ABL1: variants seen among roughly 807,000 people sequenced by gnomAD.
ABL1 encodes ABL proto-oncogene 1, non-receptor tyrosine kinase, also known as tyrosine-protein kinase ABL1.
ABL1 carries 11 observed loss-of-function variants against 94.7 expected under a neutral mutation model. The observed-to-expected ratio is 0.12, with a 90% CI of 0.07 to 0.19. The LOEUF (loss-of-function observed/expected upper bound fraction) is 0.19, where lower values mean the gene tolerates loss of function less well. Among genes scored for constraint, ABL1 ranks in the 10% least tolerant of loss-of-function variants. The probability of loss-of-function intolerance (pLI) is 1.00; values close to 1 mark genes in which losing one functional copy is unlikely to be tolerated. For missense variants in ABL1, 1,082 were observed against 1,489.4 expected, an observed-to-expected ratio of 0.73 and a Z score of 4.50; for synonymous variants, 656 against 622.4, an observed-to-expected ratio of 1.05 and a Z score of -0.80.
chr9:130,753,943 C>T (rs1167768026), intron 1 of ABL1, among the ~76,000 whole-genome samples: 3 of 151,908 alleles, frequency 2.0e-5, no homozygotes, highest in Non-Finnish European at 2.9e-5. Flanking sequence ...CGGTGGCTCA[C>T]GCCTGTAATC....
chr9:130,847,317 G>A (rs1282724320), intron 1 of ABL1, among the ~76,000 whole-genome samples: 1 of 151,596 alleles, frequency 6.6e-6, no homozygotes, highest in Non-Finnish European at 1.5e-5. Flanking sequence ...TATTTCCCAA[G>A]ACAATAGCCA....
intron 2 of ABL1, 38 bp downstream of exon 2, chr9:130,854,275 G>C: frequency 6.3e-7 from 1 of 1,597,230 alleles, no homozygotes; most frequent in African/African-American, 1.3e-5. Flanking sequence ...GGTTGCAGGA[G>C]ATAGAAATCT....
rs1446234239 is a variant in ABL1 at position 130,758,944 on chromosome 9, A to G, written c.136+44489A>G. Among the ~76,000 whole-genome samples, 4 of 152,146 alleles carry G rather than the reference A, an allele frequency of 2.6e-5. No individual in the cohort carries two copies. The East Asian group carries it at 7.7e-4, about 29-fold the overall frequency. On this transcript the variant is annotated intron_variant, in intron 1 of 10. Transcript: ENST00000372348. Reference sequence around the variant, plus strand: ...GGATCACACAGGCAGCAGACCACCAAGCTGTGACCATGACCTTTTTTTGGT... The same window carrying G: ...GGATCACACAGGCAGCAGACCACCAGGCTGTGACCATGACCTTTTTTTGGT...
At chr9:130,831,737 T>C (rs1463173405), upstream of ABL1, among the ~76,000 whole-genome samples, 1 of 151,856 alleles carries the variant, frequency 6.6e-6, no homozygotes, top group Admixed American at 6.6e-5. Context: ...GCCTCTCGAG[T>C]AGCTGGGATT....
At chr9:130,774,918 GAAAAC>G (rs1396173957) in intron 1 of ABL1, among the ~76,000 whole-genome samples, 2 of 151,946 alleles carry the variant, frequency 1.3e-5, no homozygotes, top group African/African-American at 4.8e-5. Context: ...AGAAAGGAAA[GAAAAC>G]AAAGAGAAAG....
At chr9:130,838,037 C>T (rs574601754) in intron 1 of ABL1, among the ~76,000 whole-genome samples, 1 of 152,318 alleles carries the variant, frequency 6.6e-6, no homozygotes, top group Non-Finnish European at 1.5e-5. Context: ...AGATGGCTAG[C>T]AATTATTAAA....
chr9:130,830,846 C>T (rs917355185), upstream of ABL1, among the ~76,000 whole-genome samples: 1 of 152,140 alleles, frequency 6.6e-6, no homozygotes, highest in African/African-American at 2.4e-5. Flanking sequence ...GAAGTCGTTG[C>T]CCATGGCCCC....
chr9:130,770,746 T>G (rs1832241703), intron 1 of ABL1, among the ~76,000 whole-genome samples: 1 of 152,128 alleles, frequency 6.6e-6, no homozygotes, highest in Non-Finnish European at 1.5e-5. Context: ...AAATAAAAAT[T>G]TAAGTTTCCA....
intron 1 of ABL1, among the ~76,000 whole-genome samples, chr9:130,787,211 G>A (rs1466955526): frequency 6.6e-6 from 1 of 152,180 alleles, no homozygotes; most frequent in Non-Finnish European, 1.5e-5. Context: ...CAGGCTCATG[G>A]TAAGAGGATG....
intron 1 of ABL1, among the ~76,000 whole-genome samples, chr9:130,718,900 T>C (rs1216987174): frequency 6.6e-6 from 1 of 152,100 alleles, no homozygotes; most frequent in African/African-American, 2.4e-5. Flanking sequence ...GTTTGAGAAC[T>C]GTTGCTATGG....
At chr9:130,849,139 A>C (rs1390157933) in intron 1 of ABL1, among the ~76,000 whole-genome samples, 2 of 152,128 alleles carry the variant, frequency 1.3e-5, no homozygotes, top group East Asian at 3.9e-4. Context: ...TTTTTCCAAA[A>C]ATATTTTGAG....
chr9:130,725,733 C>T (rs950898987), intron 1 of ABL1, among the ~76,000 whole-genome samples: 2 of 144,874 alleles, frequency 1.4e-5, no homozygotes, highest in Admixed American at 7.1e-5. Context: ...AGAATTTCTT[C>T]TTTTTTAAGG....
At chr9:130,827,026 C>T (rs950189095) in intron 1 of ABL1, among the ~76,000 whole-genome samples, 1 of 151,902 alleles carries the variant, frequency 6.6e-6, no homozygotes, top group Non-Finnish European at 1.5e-5. Context: ...TGCAGTGAGC[C>T]GAGATGGCGC....
At chr9:130,878,623 A>G (rs971254437) in intron 8 of ABL1, 56 bp downstream of exon 8, 13 of 1,600,036 alleles carry the variant, frequency 8.1e-6, no homozygotes, top group South Asian at 1.1e-5. Context: ...AGGAAATTCA[A>G]CTGTGCAGGA....
chr9:130,746,607 C>T (rs1326325837), intron 1 of ABL1, among the ~76,000 whole-genome samples: 2 of 151,480 alleles, frequency 1.3e-5, no homozygotes, highest in Non-Finnish European at 2.9e-5. Flanking sequence ...CATGTGACAA[C>T]AGTTTGTTCC....
chr9:130,803,671 A>G (rs938868541), intron 1 of ABL1, among the ~76,000 whole-genome samples: 1 of 152,186 alleles, frequency 6.6e-6, no homozygotes, highest in African/African-American at 2.4e-5. Context: ...ACAGAAAGGA[A>G]ACAAATTCTG....
chr9:130,834,004 A>C (rs1195540030), upstream of ABL1: 2 of 456,032 alleles, frequency 4.4e-6, no homozygotes, highest in Admixed American at 2.3e-5. Flanking sequence ...AGCATCATCC[A>C]CTGGTCGGGA....
chr9:130,834,204 C>T (rs1233701161), upstream of ABL1, among the ~76,000 whole-genome samples: 2 of 152,178 alleles, frequency 1.3e-5, no homozygotes, highest in Admixed American at 1.3e-4. Context: ...TAACATGGCA[C>T]ATAGGAAGAG....
At chr9:130,775,731 A>G (rs1832303185) in intron 1 of ABL1, among the ~76,000 whole-genome samples, 1 of 152,030 alleles carries the variant, frequency 6.6e-6, no homozygotes, top group Non-Finnish European at 1.5e-5. Context: ...GAATCAGAGC[A>G]AATCCCACGT....
Sources: gnomAD v4.1 joint callset for allele counts (sites outside exome capture counted in the v4.1 genomes callset) on GRCh38, gnomAD v4.1.1 for gene constraint, MANE v1.5 for transcripts, NCBI Gene and HGNC (gene_info 2026-07-23, HGNC 2026-07-21) for gene names.